Variants in UBE2U observed in about 807,000 individuals in gnomAD.
UBE2U encodes ubiquitin conjugating enzyme E2 U, also known as ubiquitin-conjugating enzyme E2 U.
In UBE2U, 39 loss-of-function variants were observed where a neutral mutation model predicts 41.2. The observed-to-expected ratio is 0.95, with a 90% CI of 0.73 to 1.24. The LOEUF (loss-of-function observed/expected upper bound fraction) is 1.24. Among genes scored for constraint, UBE2U ranks in the 50% most tolerant of loss-of-function variants. The pLI, the probability that UBE2U is intolerant of heterozygous loss-of-function variation, is 0.00. For missense variants in UBE2U, 336 were observed against 363.1 expected, an observed-to-expected ratio of 0.93 and a Z score of 0.61; for synonymous variants, 107 against 117.8, an observed-to-expected ratio of 0.91 and a Z score of 0.60.
intron 5 of UBE2U, among the ~76,000 whole-genome samples, chr1:64,219,519 A>T: frequency 6.8e-6 from 1 of 148,128 alleles, no homozygotes; most frequent in Non-Finnish European, 1.5e-5. Context: ...TTCTCTCTTC[A>T]TTTTCCCTAT....
intron 9 of UBE2U, among the ~76,000 whole-genome samples, chr1:64,261,778 CA>C: frequency 6.6e-6 from 1 of 152,302 alleles, no homozygotes; most frequent in African/African-American, 2.4e-5. Flanking sequence ...TCAACATCCC[CA>C]CCATGTTCAC....
At chr1:64,219,229 G>A (rs926688494) in intron 5 of UBE2U, among the ~76,000 whole-genome samples, 1 of 152,090 alleles carries the variant, frequency 6.6e-6, no homozygotes, top group African/African-American at 2.4e-5. Context: ...TTTCCAAATC[G>A]TAAATACTTT....
At chr1:64,238,201 T>C (rs1375715437) in intron 7 of UBE2U, among the ~76,000 whole-genome samples, 2 of 152,096 alleles carry the variant, frequency 1.3e-5, no homozygotes, top group African/African-American at 4.8e-5. Flanking sequence ...GGCCAGGAGT[T>C]TGAGACCAGC....
chr1:64,239,971 T>A (rs1238972629), intron 7 of UBE2U, among the ~76,000 whole-genome samples: 2 of 152,170 alleles, frequency 1.3e-5, no homozygotes, highest in Non-Finnish European at 2.9e-5. Flanking sequence ...GTTGAACTAG[T>A]TTACAGTCCC....
intron 8 of UBE2U, among the ~76,000 whole-genome samples, chr1:64,247,526 G>A (rs534673265): frequency 3.5e-4 from 54 of 152,164 alleles, no homozygotes; most frequent in African/African-American, 1.2e-3. Context: ...GGAGTATGGC[G>A]GATAAGTAAG....
chr1:64,251,772 T>C (rs1645015108), intron 8 of UBE2U, among the ~76,000 whole-genome samples: 1 of 152,064 alleles, frequency 6.6e-6, no homozygotes, highest in Non-Finnish European at 1.5e-5. Flanking sequence ...TACAGAGCTG[T>C]GTGTAATCTT....
chr1:64,207,220 G>A (rs141006438), intron 3 of UBE2U, among the ~76,000 whole-genome samples: 1,908 of 151,566 alleles, frequency 0.013, 49 homozygotes, highest in African/African-American at 0.044. Context: ...GTGTGATCTC[G>A]GCTCACTGCA....
At chr1:64,229,516 G>C (rs1257407758) in intron 6 of UBE2U, among the ~76,000 whole-genome samples, 11 of 152,140 alleles carry the variant, frequency 7.2e-5, no homozygotes, top group Non-Finnish European at 1.2e-4. Context: ...GGAGAGGTTA[G>C]ATAACTTGCT....
chr1:64,239,853 GCAT>G (rs1371098634), intron 7 of UBE2U, among the ~76,000 whole-genome samples: 3 of 152,114 alleles, frequency 2.0e-5, no homozygotes, highest in African/African-American at 2.4e-5. Flanking sequence ...CTTTATAGCA[GCAT>G]GATTTATAAT....
At chr1:64,254,140 C>T (rs915618927) in intron 8 of UBE2U, among the ~76,000 whole-genome samples, 6 of 152,044 alleles carry the variant, frequency 3.9e-5, no homozygotes, top group African/African-American at 1.4e-4. Context: ...GACTTTAAAC[C>T]AACAAAGATC....
intron 5 of UBE2U, chr1:64,215,574 A>G (rs1338368007): frequency 1.3e-5 from 2 of 152,206 alleles, no homozygotes; most frequent in Non-Finnish European, 1.5e-5. Flanking sequence ...CATTTCCCAG[A>G]CTTCACCTGC....
At chr1:64,216,731 A>G (rs1320550238) in intron 5 of UBE2U, among the ~76,000 whole-genome samples, 1 of 152,184 alleles carries the variant, frequency 6.6e-6, no homozygotes, top group African/African-American at 2.4e-5. Flanking sequence ...TCATTACCCA[A>G]ACTTTTCCCC....
intron 4 of UBE2U, among the ~76,000 whole-genome samples, chr1:64,211,974 A>G (rs747414967): frequency 3.9e-5 from 6 of 152,148 alleles, no homozygotes; most frequent in Non-Finnish European, 8.8e-5. Context: ...ATTATAATAT[A>G]AATTGCATTT....
intron 6 of UBE2U, among the ~76,000 whole-genome samples, chr1:64,228,936 C>T (rs1557719807): frequency 1.3e-5 from 2 of 149,190 alleles, no homozygotes; most frequent in Admixed American, 6.7e-5. Flanking sequence ...TCTCAGCTCA[C>T]GGCAACCTCT....
intron 8 of UBE2U, among the ~76,000 whole-genome samples, chr1:64,252,648 C>G (rs532566656): frequency 6.6e-6 from 1 of 152,270 alleles, no homozygotes; most frequent in South Asian, 2.1e-4. Flanking sequence ...CCCCAGCAAA[C>G]CATAGCAGCC....
intron 9 of UBE2U, among the ~76,000 whole-genome samples, chr1:64,264,077 A>C (rs1645218754): frequency 6.6e-6 from 1 of 152,170 alleles, no homozygotes; most frequent in African/African-American, 2.4e-5. Flanking sequence ...TTCCTGTGTT[A>C]GACTCTCACT....
intron 5 of UBE2U, among the ~76,000 whole-genome samples, chr1:64,218,885 AC>A (rs1459039351): frequency 6.6e-6 from 1 of 152,206 alleles, no homozygotes; most frequent in Non-Finnish European, 1.5e-5. Context: ...TAAAACAGCT[AC>A]TAGGTATTCA....
At chr1:64,212,157 A>T (rs1044402572) in intron 4 of UBE2U, among the ~76,000 whole-genome samples, 2 of 152,180 alleles carry the variant, frequency 1.3e-5, no homozygotes, top group Non-Finnish European at 2.9e-5. Flanking sequence ...GGAAGGAGAC[A>T]TTTGAGCAAA....
intron 9 of UBE2U, among the ~76,000 whole-genome samples, chr1:64,266,359 T>C (rs890391867): frequency 6.6e-6 from 1 of 152,186 alleles, no homozygotes; most frequent in Non-Finnish European, 1.5e-5. Context: ...TGTTTTTGGA[T>C]AGACAGATCT....
Sources: gnomAD v4.1 joint callset for allele counts (sites outside exome capture counted in the v4.1 genomes callset) on GRCh38, gnomAD v4.1.1 for gene constraint, MANE v1.5 for transcripts, NCBI Gene and HGNC (gene_info 2026-07-23, HGNC 2026-07-21) for gene names.